Variants in PPFIA2 observed in about 807,000 individuals in gnomAD.
PPFIA2 encodes the protein PPFI scaffold protein A2, also known as liprin-alpha-2.
A neutral mutation model predicts 175.5 loss-of-function variants in PPFIA2; 46 were observed. The ratio of observed to expected loss-of-function variants is 0.26; its 90% CI spans 0.21 to 0.34. The LOEUF (loss-of-function observed/expected upper bound fraction) is 0.34. Among genes scored for constraint, PPFIA2 ranks in the 10% least tolerant of loss-of-function variants. The probability of loss-of-function intolerance (pLI) is 1.00; values close to 1 mark genes in which losing one functional copy is unlikely to be tolerated. For synonymous variants in PPFIA2, 568 were observed against 511.4 expected, an observed-to-expected ratio of 1.11 and a Z score of -1.49; for missense variants, 1,179 against 1,506.1, an observed-to-expected ratio of 0.78 and a Z score of 3.60.
chr12:81,381,940 C>T (rs542532557), intron 9 of PPFIA2, among the ~76,000 whole-genome samples: 21 of 152,028 alleles, frequency 1.4e-4, no homozygotes, highest in East Asian at 1.9e-4. Flanking sequence ...TCAATAGCTG[C>T]GCAGGTTCTC....
At chr12:81,308,238 T>G (rs1043783483) in intron 22 of PPFIA2, among the ~76,000 whole-genome samples, 2 of 152,226 alleles carry the variant, frequency 1.3e-5, no homozygotes, top group Non-Finnish European at 2.9e-5. Flanking sequence ...AGGTTCTGGA[T>G]GCAGACAAAT....
chr12:81,710,921 A>G (rs1247846957), intron 3 of PPFIA2, among the ~76,000 whole-genome samples: 1 of 151,362 alleles, frequency 6.6e-6, no homozygotes, highest in Non-Finnish European at 1.5e-5. Flanking sequence ...AAACACTACT[A>G]AGGTTTTGCT....
Position 81,676,602 on chromosome 12 carries a change from A to C in PPFIA2, c.303+189T>G, listed in dbSNP as rs1596305850. ...TGAGATAAATTTTTATGAGTTGTTA[A>C]AACTTTTTAATAAAAACACCAGCCC... On this transcript the variant is annotated intron_variant, in intron 4 of 32. Transcript: ENST00000549396. The C allele has an allele frequency of 8.1e-6, 3 of 372,170 alleles. No individual in the cohort carries two copies. The East Asian group carries it at 1.2e-4, about 15-fold the overall frequency. 23.1% of individuals were successfully genotyped at this position (372,170 alleles called of 1,614,324 possible).
At chr12:81,335,513 C>A in intron 21 of PPFIA2, among the ~76,000 whole-genome samples, 1 of 152,108 alleles carries the variant, frequency 6.6e-6, no homozygotes, top group East Asian at 1.9e-4. Flanking sequence ...GATGCCAAGG[C>A]GGGCAGATCA....
intron 9 of PPFIA2, among the ~76,000 whole-genome samples, chr12:81,380,962 C>CTGTGTGTGTGTGTGTG (rs71098139): frequency 7.3e-6 from 1 of 137,502 alleles, no homozygotes; most frequent in African/African-American, 2.7e-5. Flanking sequence ...TTTCACAGTG[C>CTGTGTGTGTGTGTGTG]TGTGTGTGTG....
At chr12:81,562,909 C>A (rs984099475) in intron 4 of PPFIA2, among the ~76,000 whole-genome samples, 2 of 130,588 alleles carry the variant, frequency 1.5e-5, no homozygotes, top group Admixed American at 1.6e-4. Flanking sequence ...TAACTACTTA[C>A]AGTGAATATT....
chr12:81,302,653 C>A (rs761760516), intron 22 of PPFIA2: 1 of 451,610 alleles, frequency 2.2e-6, no homozygotes, highest in South Asian at 1.6e-5. Context: ...GGTTTTACAC[C>A]AGGACTGTGT....
intron 4 of PPFIA2, chr12:81,598,131 A>C: frequency 6.7e-7 from 1 of 1,500,256 alleles, no homozygotes; most frequent in South Asian, 1.3e-5. Context: ...GGGAGACTAG[A>C]GGGTAAAATG....
chr12:81,654,007 G>C (rs971751098), intron 4 of PPFIA2, among the ~76,000 whole-genome samples: 19 of 151,538 alleles, frequency 1.3e-4, no homozygotes, highest in African/African-American at 4.1e-4. Context: ...TATCAGCTAA[G>C]AATATGGGAA....
chr12:81,461,907 T>C (rs1480911544), intron 4 of PPFIA2, among the ~76,000 whole-genome samples: 1 of 152,040 alleles, frequency 6.6e-6, no homozygotes, highest in African/African-American at 2.4e-5. Flanking sequence ...AATTATGTGT[T>C]CGTCTCCTCC....
chr12:81,552,338 G>A (rs533569809), intron 4 of PPFIA2, among the ~76,000 whole-genome samples: 13 of 151,702 alleles, frequency 8.6e-5, no homozygotes, highest in Admixed American at 2.6e-4. Context: ...CCCCTTCTAA[G>A]TGTAAACTGC....
intron 4 of PPFIA2, among the ~76,000 whole-genome samples, chr12:81,579,417 A>G (rs2153425595): frequency 6.6e-6 from 1 of 151,930 alleles, no homozygotes; most frequent in East Asian, 1.9e-4. Context: ...TCAGTGACAG[A>G]TAAATCATTA....
chr12:81,316,313 G>T (rs1382138737), intron 22 of PPFIA2, among the ~76,000 whole-genome samples: 1 of 151,470 alleles, frequency 6.6e-6, no homozygotes, highest in Non-Finnish European at 1.5e-5. Context: ...ACTATACAAA[G>T]CTTATATGAG....
chr12:81,638,938 C>T (rs904773990), intron 4 of PPFIA2, among the ~76,000 whole-genome samples: 14 of 151,858 alleles, frequency 9.2e-5, no homozygotes, highest in Non-Finnish European at 1.8e-4. Flanking sequence ...CCGCCCGCCT[C>T]GGCCTCCCAA....
chr12:81,553,239 A>C (rs2068245613), intron 4 of PPFIA2, among the ~76,000 whole-genome samples: 2 of 152,120 alleles, frequency 1.3e-5, no homozygotes, highest in Admixed American at 1.3e-4. Flanking sequence ...TTCTAAGCAA[A>C]GGAAATAAAA....
chr12:81,481,837 A>C (rs1206892964), intron 4 of PPFIA2, among the ~76,000 whole-genome samples: 1 of 152,322 alleles, frequency 6.6e-6, no homozygotes, highest in Non-Finnish European at 1.5e-5. Flanking sequence ...ATGGGCAAAG[A>C]CTTCATGACT....
chr12:81,726,762 G>A (rs1234967721), intron 3 of PPFIA2, among the ~76,000 whole-genome samples: 4 of 151,332 alleles, frequency 2.6e-5, no homozygotes, highest in African/African-American at 7.3e-5. Context: ...TGTGTGAACT[G>A]TAGTATCTGC....
At chr12:81,260,228 T>G (rs1420570703) in intron 32 of PPFIA2, 2 of 152,118 alleles carry the variant, frequency 1.3e-5, no homozygotes, top group African/African-American at 4.8e-5. Context: ...ATCAAAAGTG[T>G]TGTTGTTTCA....
intron 4 of PPFIA2, among the ~76,000 whole-genome samples, chr12:81,598,638 C>A (rs1032792125): frequency 6.8e-6 from 1 of 147,886 alleles, no homozygotes; most frequent in African/African-American, 2.5e-5. Flanking sequence ...TTTTACAAAG[C>A]CTTTTTTTTT....
Sources: allele counts gnomAD v4.1 joint callset (sites outside exome capture counted in the v4.1 genomes callset), GRCh38; gene constraint gnomAD v4.1.1; transcripts MANE v1.5; gene names NCBI Gene and HGNC (gene_info 2026-07-23, HGNC 2026-07-21).